ANXA2: variants seen among roughly 807,000 people sequenced by gnomAD.
ANXA2 encodes the protein annexin A2, also known as annexin II.
In ANXA2, 28 loss-of-function variants were observed where a neutral mutation model predicts 47.3. The observed-to-expected ratio is 0.59, with a 90% CI of 0.44 to 0.81. The LOEUF is 0.81. ANXA2 is among the 40% of genes least tolerant of loss of function. The probability of loss-of-function intolerance (pLI) is 0.00; values close to 1 mark genes in which losing one functional copy is unlikely to be tolerated. For missense variants in ANXA2, 384 were observed against 414.3 expected, an observed-to-expected ratio of 0.93 and a Z score of 0.64; for synonymous variants, 172 against 155.5, an observed-to-expected ratio of 1.11 and a Z score of -0.79.
In ANXA2 at chr15:60,386,098, G is replaced by C; in HGVS notation, c.-11-12C>G. ...CATTTTGAAGGAAGCTGGAAAAAAA[G>C]TACAACAAAAAGTCTTTATGAAGAG... On this transcript the variant is annotated splice_polypyrimidine_tract_variant and intron_variant, in intron 1 of 12. Transcript: ENST00000451270. 3.1e-6 allele frequency: 5 copies of C among 1,605,358 alleles called. No homozygotes were observed. Among genetic ancestry groups the C allele is most frequent in the Non-Finnish European group, 4.3e-6 (5 of 1,173,164 alleles).
intron 3 of ANXA2, among the ~76,000 whole-genome samples, chr15:60,376,131 A>C (rs2062773483): frequency 6.6e-6 from 1 of 152,130 alleles, no homozygotes; most frequent in Non-Finnish European, 1.5e-5. Context: ...TAATCCCAGC[A>C]CTTTGGGAGG....
intron 3 of ANXA2, among the ~76,000 whole-genome samples, chr15:60,367,560 G>A (rs1437914365): frequency 3.0e-5 from 2 of 65,740 alleles, no homozygotes; most frequent in East Asian, 8.3e-4. Flanking sequence ...CCGGGAGGGA[G>A]GTGGGGGGGA....
intron 4 of ANXA2, 26 bp downstream of exon 4, chr15:60,364,403 C>T: frequency 1.3e-6 from 2 of 1,575,686 alleles, no homozygotes; most frequent in Non-Finnish European, 1.7e-6. Context: ...ACAAGAAATG[C>T]CCTCCATCCC....
At chr15:60,386,978 G>C (rs2062941794) in intron 1 of ANXA2, 1 of 152,188 alleles carries the variant, frequency 6.6e-6, no homozygotes, top group Admixed American at 6.5e-5. Flanking sequence ...TCCTGCTTTG[G>C]TCTCTTTTTG....
At chr15:60,397,427 C>T in intron 1 of ANXA2, 1 of 574,244 alleles carries the variant, frequency 1.7e-6, no homozygotes, top group Non-Finnish European at 2.2e-6. Flanking sequence ...CTCGTCTTCC[C>T]CCGCTACTTC....
intron 3 of ANXA2, among the ~76,000 whole-genome samples, chr15:60,367,301 G>T (rs1181208634): frequency 2.8e-5 from 3 of 108,072 alleles, no homozygotes; most frequent in Admixed American, 8.5e-5. Context: ...CAGCCGCCCC[G>T]TCCGGGAGGT....
At chr15:60,378,617 T>G (rs1180617438) in intron 3 of ANXA2, among the ~76,000 whole-genome samples, 4 of 152,190 alleles carry the variant, frequency 2.6e-5, no homozygotes, top group African/African-American at 9.7e-5. Context: ...TAGAAATTAT[T>G]TTAAAGGACC....
At chr15:60,388,854 G>C (rs1353096859) in intron 1 of ANXA2, among the ~76,000 whole-genome samples, 1 of 148,152 alleles carries the variant, frequency 6.7e-6, no homozygotes, top group Non-Finnish European at 1.5e-5. Context: ...AGATCCTCCT[G>C]CCTCAGCCTC....
intron 3 of ANXA2, chr15:60,374,446 A>G: frequency 2.2e-6 from 1 of 455,996 alleles, no homozygotes; most frequent in Non-Finnish European, 4.4e-6. Flanking sequence ...GCCACCCTTA[A>G]CTCACTTGAT....
intron 2 of ANXA2, chr15:60,382,893 A>C (rs1275059267): frequency 6.5e-6 from 1 of 154,756 alleles, no homozygotes; most frequent in Non-Finnish European, 1.4e-5. Context: ...CTGAGCTTAC[A>C]ATTCAGATAA....
At chr15:60,390,750 T>G (rs2062998338) in intron 1 of ANXA2, 1 of 164,750 alleles carries the variant, frequency 6.1e-6, no homozygotes, top group Non-Finnish European at 1.3e-5. Context: ...CAAAACAAAA[T>G]AAAAAGAAAT....
At chr15:60,396,062 A>G (rs1297670874) in intron 1 of ANXA2, 1 of 152,164 alleles carries the variant, frequency 6.6e-6, no homozygotes, top group Non-Finnish European at 1.5e-5. Context: ...TTTACATTCT[A>G]TAAATTATAG....
At chr15:60,355,571 AG>A (rs1432056189) in intron 7 of ANXA2, 1 of 374,360 alleles carries the variant, frequency 2.7e-6, no homozygotes, top group African/African-American at 2.1e-5. Flanking sequence ...AAAAGAAACC[AG>A]AAGGTCACTT....
intron 3 of ANXA2, among the ~76,000 whole-genome samples, chr15:60,371,865 C>G (rs903921881): frequency 5.3e-5 from 8 of 152,118 alleles, no homozygotes; most frequent in Admixed American, 4.6e-4. Flanking sequence ...ATAATAGTAA[C>G]CTTTTGCCGG....
chr15:60,356,080 A>G, intron 6 of ANXA2, 82 bp from the exon 7 acceptor site: 2 of 1,074,104 alleles, frequency 1.9e-6, no homozygotes, highest in Non-Finnish European at 2.9e-6. Flanking sequence ...TCCCACTAAG[A>G]CTCTGAGAAG....
intron 3 of ANXA2, among the ~76,000 whole-genome samples, chr15:60,365,849 C>CCTCT (rs2062588500): frequency 8.9e-6 from 1 of 112,540 alleles, no homozygotes; most frequent in African/African-American, 3.9e-5. Flanking sequence ...TCTCCCTCTC[C>CCTCT]CCCTCCCCCT....
chr15:60,361,650 G>A (rs897168385), intron 4 of ANXA2, among the ~76,000 whole-genome samples: 12 of 152,272 alleles, frequency 7.9e-5, no homozygotes, highest in Non-Finnish European at 2.9e-5. Flanking sequence ...AAACTCGGAC[G>A]GTGTTTAATG....
At chr15:60,359,235 G>C (rs2062477091) in intron 5 of ANXA2, among the ~76,000 whole-genome samples, 2 of 152,152 alleles carry the variant, frequency 1.3e-5, no homozygotes. Flanking sequence ...GATTACAACA[G>C]TGACTGACAG....
intron 7 of ANXA2, 36 bp from the exon 8 acceptor site, chr15:60,354,249 C>A (rs776655319): frequency 4.6e-6 from 7 of 1,526,152 alleles, no homozygotes; most frequent in East Asian, 4.5e-5. Context: ...AAATACATTT[C>A]TTTGTGTATT....
Sources: gnomAD v4.1 joint callset for allele counts (sites outside exome capture counted in the v4.1 genomes callset) on GRCh38, gnomAD v4.1.1 for gene constraint, MANE v1.5 for transcripts, NCBI Gene and HGNC (gene_info 2026-07-23, HGNC 2026-07-21) for gene names.